KDM4C: variants seen among roughly 807,000 people sequenced by gnomAD.
KDM4C encodes lysine-specific demethylase 4C.
In KDM4C, 81 loss-of-function variants were observed where a neutral mutation model predicts 129.3. That is an observed-to-expected ratio of 0.63 (90% CI 0.52 to 0.75). The LOEUF is 0.75. KDM4C is among the 30% of genes least tolerant of loss of function. The probability of loss-of-function intolerance (pLI) is 0.00; values close to 1 mark genes in which losing one functional copy is unlikely to be tolerated. For synonymous variants in KDM4C, 573 were observed against 456.1 expected (o/e 1.26, Z -3.26); for missense variants, 1,457 against 1,304.0 (o/e 1.12, Z -1.81).
chr9:6,829,008 A>G (rs1834356105), intron 4 of KDM4C, among the ~76,000 whole-genome samples: 1 of 152,226 alleles, frequency 6.6e-6, no homozygotes, highest in African/African-American at 2.4e-5. Flanking sequence ...AAATTGATAA[A>G]TCAACAAATA....
chr9:6,835,746 G>C (rs917124787), intron 4 of KDM4C, among the ~76,000 whole-genome samples: 14 of 152,206 alleles, frequency 9.2e-5, no homozygotes, highest in African/African-American at 3.4e-4. Flanking sequence ...GGTGACAGCA[G>C]TCGGTTGGAG....
intron 17 of KDM4C, among the ~76,000 whole-genome samples, chr9:7,073,330 G>A (rs1273785719): frequency 6.6e-6 from 1 of 152,192 alleles, no homozygotes; most frequent in African/African-American, 2.4e-5. Context: ...TGCGATGTTA[G>A]CACAATGGTT....
At chr9:7,038,455 A>G (rs1207864808) in intron 15 of KDM4C, among the ~76,000 whole-genome samples, 4 of 151,990 alleles carry the variant, frequency 2.6e-5, no homozygotes, top group Admixed American at 6.6e-5. Flanking sequence ...CCTTCATACT[A>G]CTTGTTTTAA....
intron 3 of KDM4C, among the ~76,000 whole-genome samples, chr9:6,809,866 A>G (rs138294333): frequency 0.015 from 2,277 of 152,234 alleles, 35 homozygotes; most frequent in Middle Eastern, 0.051. Context: ...GGCAGGTGGT[A>G]TGTGCCTGTA....
At chr9:7,037,045 C>A (rs1378363372) in intron 15 of KDM4C, among the ~76,000 whole-genome samples, 1 of 152,122 alleles carries the variant, frequency 6.6e-6, no homozygotes, top group Non-Finnish European at 1.5e-5. Context: ...GGTGAGAGAT[C>A]CTGTCTTCTC....
intron 7 of KDM4C, among the ~76,000 whole-genome samples, chr9:6,890,777 G>T (rs1846008832): frequency 6.6e-6 from 1 of 152,160 alleles, no homozygotes; most frequent in African/African-American, 2.4e-5. Flanking sequence ...TGGGAGCAGG[G>T]TGAGTTTTGT....
intron 18 of KDM4C, among the ~76,000 whole-genome samples, chr9:7,116,855 C>T (rs1228886676): frequency 6.6e-6 from 1 of 152,300 alleles, no homozygotes; most frequent in Non-Finnish European, 1.5e-5. Flanking sequence ...TTTATAGGCA[C>T]AGTTACCTCT....
At chr9:7,045,171 G>C (rs1379128662) in intron 15 of KDM4C, among the ~76,000 whole-genome samples, 1 of 152,030 alleles carries the variant, frequency 6.6e-6, no homozygotes, top group African/African-American at 2.4e-5. Context: ...ATGTGTACCT[G>C]TTAATGATCC....
chr9:6,855,458 C>CA (rs34177301), intron 5 of KDM4C, among the ~76,000 whole-genome samples: 17,550 of 69,596 alleles, frequency 0.25, 3,747 homozygotes, highest in Non-Finnish European at 0.32. Flanking sequence ...GACTCCGTCT[C>CA]AAAAAAAAAA....
intron 19 of KDM4C, among the ~76,000 whole-genome samples, chr9:7,161,343 T>A (rs1843766342): frequency 6.6e-6 from 1 of 152,156 alleles, no homozygotes; most frequent in Non-Finnish European, 1.5e-5. Flanking sequence ...GCACCCACTG[T>A]CCAACCAGTC....
At chr9:6,850,824 G>C (rs975663132) in intron 5 of KDM4C, among the ~76,000 whole-genome samples, 4 of 151,976 alleles carry the variant, frequency 2.6e-5, no homozygotes, top group Non-Finnish European at 5.9e-5. Context: ...GTGCGATCTC[G>C]GCTCACTGCA....
At chr9:6,893,023 A>G in intron 7 of KDM4C, 72 bp from the exon 8 acceptor site, 2 of 1,174,380 alleles carry the variant, frequency 1.7e-6, no homozygotes. Context: ...TTAATGGGAA[A>G]TATATTTTAA....
chr9:6,858,904 G>A (rs1840420355), intron 5 of KDM4C, among the ~76,000 whole-genome samples: 1 of 150,718 alleles, frequency 6.6e-6, no homozygotes, highest in Admixed American at 6.6e-5. Context: ...ATTGGAGTTG[G>A]TAGAAAATGC....
At chr9:7,057,985 A>T (rs1029036074) in intron 17 of KDM4C, among the ~76,000 whole-genome samples, 2 of 152,184 alleles carry the variant, frequency 1.3e-5, no homozygotes, top group African/African-American at 4.8e-5. Flanking sequence ...TACAGCTGGG[A>T]GTCTTCAGCA....
At position 7,044,588 on chromosome 9, in the gene KDM4C, A is replaced by G. The variant is rs12380529; in HGVS notation, c.2260-2274A>G. 3.1e-3 allele frequency among the ~76,000 whole-genome samples: 467 copies of G among 152,082 alleles called. 1 individual carries two copies. The highest frequency in any genetic ancestry group is 4.3e-3 in the Non-Finnish European group (292 of 67,930). On this transcript the variant is annotated intron_variant, in intron 15 of 21. Transcript: ENST00000381309. ...GGATGAGAGGAAAAATGTGTCCTCC[A>G]ATATGAGCTAGAATGGATGGTAGGC...
intron 12 of KDM4C, among the ~76,000 whole-genome samples, chr9:6,992,077 A>T (rs1216330596): frequency 6.6e-6 from 1 of 151,980 alleles, no homozygotes; most frequent in Non-Finnish European, 1.5e-5. Flanking sequence ...TAGTGTTAAG[A>T]CATATGACAA....
At chr9:6,889,034 C>T (rs1224717340) in intron 7 of KDM4C, among the ~76,000 whole-genome samples, 1 of 31,478 alleles carries the variant, frequency 3.2e-5, no homozygotes, top group Non-Finnish European at 6.3e-5. Flanking sequence ...GTGATCCGCC[C>T]GCCTCGGCCT....
chr9:6,964,401 G>C (rs184927983), intron 8 of KDM4C, among the ~76,000 whole-genome samples: 2 of 151,798 alleles, frequency 1.3e-5, no homozygotes, highest in African/African-American at 4.9e-5. Context: ...CATCCGTGTC[G>C]CTACAAAGGA....
At chr9:6,840,289 T>G (rs577520826) in intron 4 of KDM4C, among the ~76,000 whole-genome samples, 1 of 152,206 alleles carries the variant, frequency 6.6e-6, no homozygotes, top group South Asian at 2.1e-4. Flanking sequence ...TCCTGGCTAG[T>G]CTTGAACTCC....
Sources: gnomAD v4.1 joint callset for allele counts (sites outside exome capture counted in the v4.1 genomes callset) on GRCh38, gnomAD v4.1.1 for gene constraint, MANE v1.5 for transcripts, NCBI Gene and HGNC (gene_info 2026-07-23, HGNC 2026-07-21) for gene names.